The following PECAM1 variants were observed in gnomAD, a reference collection of about 807,000 sequenced individuals.
PECAM1 encodes the protein platelet and endothelial cell adhesion molecule 1, also known as platelet endothelial cell adhesion molecule.
A neutral mutation model predicts 13.8 loss-of-function variants in PECAM1; 8 were observed. The ratio of observed to expected loss-of-function variants is 0.58; its 90% CI spans 0.34 to 1.05. PECAM1 has a LOEUF of 1.05. Among genes scored for constraint, PECAM1 ranks in the 50% least tolerant of loss-of-function variants. PECAM1 has a pLI of 0.03. For synonymous variants in PECAM1, 136 were observed against 52.6 expected (o/e 2.58, Z -6.86); for missense variants, 304 against 141.2 (o/e 2.15, Z -5.84).
chr17:64,359,319 G>A (rs1487271749), intron 7 of PECAM1, among the ~76,000 whole-genome samples: 2 of 152,164 alleles, frequency 1.3e-5, no homozygotes, highest in African/African-American at 4.8e-5. Context: ...TGAGAGGCAT[G>A]AGATAGAGGC....
chr17:64,334,086 G>C (rs1315090346), intron 14 of PECAM1, among the ~76,000 whole-genome samples: 1 of 149,288 alleles, frequency 6.7e-6, no homozygotes, highest in African/African-American at 2.5e-5. Flanking sequence ...ACGTGGGGAG[G>C]CAGCTGAGTG....
rs2036336023 is a variant in PECAM1 at position 64,375,481 on chromosome 17, C to CT, written c.386-126dup. 1.3e-5 allele frequency: 5 copies of CT among 397,460 alleles called. No individual in the cohort carries two copies. In the South Asian group the frequency reaches 6.9e-4, roughly 55 times the overall value. The allele number at this position is 397,460 out of a possible 1,614,324, so 24.6% of individuals were successfully genotyped here. A position where few individuals can be genotyped will look rare whatever the true frequency, so the allele number is the denominator to read the frequency against. ...ACTGTAGTTGACCCATGAGAGGGCT[C>CT]TTTTTTGTTCTCTGAACACCCAGTG... On this transcript the variant is annotated intron_variant, in intron 3 of 15. Coordinates refer to ENST00000563924, the MANE Select transcript of PECAM1 (RefSeq NM_000442.5).
chr17:64,389,774 G>A (rs7208509), intron 2 of PECAM1, among the ~76,000 whole-genome samples: 64,164 of 152,054 alleles, frequency 0.42, 16,194 homozygotes, highest in Middle Eastern at 0.62. Flanking sequence ...GAGGCCGGGC[G>A]CGGTGGCTCA....
Position 64,323,478 on chromosome 17 carries a change from G to C in PECAM1, c.*338C>G. ...TCTGTGTATGAGGGTGCATGGAAAA[G>C]GTCTTTATCTCTGCACAAAACAAAA... On this transcript the variant is annotated 3_prime_UTR_variant, in exon 16 of 16. Transcript: ENST00000563924. 1 of 1,252,892 alleles carries C rather than the reference G, an allele frequency of 8.0e-7. No individual in the cohort carries two copies. Among genetic ancestry groups the C allele is most frequent in the African/African-American group, 1.5e-5 (1 of 65,682 alleles). The allele number at this position is 1,252,892 out of a possible 1,614,324, so 77.6% of individuals were successfully genotyped here. A position where few individuals can be genotyped will look rare whatever the true frequency, so the allele number is the denominator to read the frequency against.
At chr17:64,332,626 G>GC (rs530619887) in intron 14 of PECAM1, among the ~76,000 whole-genome samples, 116 of 152,324 alleles carry the variant, frequency 7.6e-4, no homozygotes, top group Non-Finnish European at 1.5e-3. Context: ...GGCCTCACTG[G>GC]CTCTGGGCCT....
At chr17:64,384,850 C>T (rs2036559391) in intron 2 of PECAM1, among the ~76,000 whole-genome samples, 2 of 152,196 alleles carry the variant, frequency 1.3e-5, no homozygotes, top group African/African-American at 4.8e-5. Flanking sequence ...AACAAATATA[C>T]CACGCAACCA....
chr17:64,354,938 G>A lies in PECAM1; in HGVS notation c.1883C>T (p.Ala628Val). The change falls in exon 9 of 16, where the codon GCC (alanine) becomes GTC (valine). Residue 628 changes from alanine (A) to valine (V), a missense_variant. By Grantham distance (64) the Ala-to-Val change is moderately conservative. Coordinates refer to ENST00000563924, the MANE Select transcript of PECAM1 (RefSeq NM_000442.5). ...IAAKCYFLRK[A>V]KAKQMPVEMS... is the part of the protein sequence containing the mutation. The stretch of plus-strand genomic sequence containing the variant: ...AAGGAAAGAACTATGCTCACCCTTG[G>A]CTTTCCTCAGAAAATAACATTTGGC... The A allele has an allele frequency of 2.1e-6, 1 of 475,320 alleles. No individual in the cohort carries two copies. Among genetic ancestry groups the A allele is most frequent in the Non-Finnish European group, 3.9e-6 (1 of 259,046 alleles). 29.4% of individuals were successfully genotyped at this position (475,320 alleles called of 1,614,324 possible).
At chr17:64,348,030 C>T (rs2035624837) in intron 13 of PECAM1, among the ~76,000 whole-genome samples, 1 of 152,046 alleles carries the variant, frequency 6.6e-6, no homozygotes, top group African/African-American at 2.4e-5. Flanking sequence ...AGTGCCTGGC[C>T]TTTTCTTTTT....
chr17:64,326,828 C>T (rs1251689315), intron 15 of PECAM1, among the ~76,000 whole-genome samples: 2 of 152,194 alleles, frequency 1.3e-5, no homozygotes, highest in Non-Finnish European at 2.9e-5. Flanking sequence ...GTTGTGAAAT[C>T]GCCCTGCCTT....
intron 12 of PECAM1, among the ~76,000 whole-genome samples, chr17:64,349,079 CTG>C (rs1468128195): frequency 1.3e-5 from 2 of 152,272 alleles, no homozygotes; most frequent in Non-Finnish European, 2.9e-5. Flanking sequence ...ACCTCCAAGA[CTG>C]AGAGGATTTC....
intron 4 of PECAM1, 167 bp from the exon 5 acceptor site, chr17:64,370,192 T>G (rs1259767695): frequency 2.5e-6 from 1 of 392,806 alleles, no homozygotes; most frequent in Non-Finnish European, 4.5e-6. Context: ...GCTCTCATAC[T>G]CCCTCCCTTC....
intron 13 of PECAM1, among the ~76,000 whole-genome samples, chr17:64,347,666 C>T (rs1427864465): frequency 4.0e-5 from 2 of 50,020 alleles, no homozygotes; most frequent in Non-Finnish European, 1.1e-4. Flanking sequence ...ATATTATACA[C>T]AAAGAAAACA....
At chr17:64,359,170 C>G (rs1351542120) in intron 7 of PECAM1, among the ~76,000 whole-genome samples, 1 of 152,140 alleles carries the variant, frequency 6.6e-6, no homozygotes, top group Non-Finnish European at 1.5e-5. Flanking sequence ...TCCCTCTCTC[C>G]TATTCACATC....
At chr17:64,373,962 G>C (rs2036299546) in intron 4 of PECAM1, among the ~76,000 whole-genome samples, 1 of 152,116 alleles carries the variant, frequency 6.6e-6, no homozygotes, top group Non-Finnish European at 1.5e-5. Context: ...TCCCTCTGCT[G>C]TTGCCTCCTT....
chr17:64,380,284 C>A (rs1385155146), intron 2 of PECAM1, among the ~76,000 whole-genome samples: 2 of 150,854 alleles, frequency 1.3e-5, no homozygotes, highest in Non-Finnish European at 3.0e-5. Context: ...GCTGAGATCG[C>A]GCCATTGCAC....
intron 14 of PECAM1, among the ~76,000 whole-genome samples, chr17:64,335,076 G>A (rs1019164205): frequency 3.9e-5 from 6 of 152,086 alleles, no homozygotes; most frequent in African/African-American, 9.6e-5. Flanking sequence ...GCACGTTTTC[G>A]GCACCGCTCC....
At chr17:64,371,927 G>A (rs1421321921) in intron 4 of PECAM1, among the ~76,000 whole-genome samples, 1 of 152,124 alleles carries the variant, frequency 6.6e-6, no homozygotes, top group Middle Eastern at 3.2e-3. Context: ...TTTCTTTGTG[G>A]CACTGGAGTT....
At chr17:64,337,866 C>T (rs2035322886) in intron 14 of PECAM1, among the ~76,000 whole-genome samples, 2 of 151,598 alleles carry the variant, frequency 1.3e-5, no homozygotes, top group Admixed American at 1.3e-4. Context: ...AGAAGGAAGT[C>T]TTCCCAGAGC....
At chr17:64,381,253 T>C (rs976783379) in intron 2 of PECAM1, among the ~76,000 whole-genome samples, 3 of 152,236 alleles carry the variant, frequency 2.0e-5, no homozygotes, top group African/African-American at 7.2e-5. Flanking sequence ...AATGTTCTAA[T>C]GGACCTTGTT....
Sources: gnomAD v4.1 joint callset for allele counts (sites outside exome capture counted in the v4.1 genomes callset) on GRCh38, gnomAD v4.1.1 for gene constraint, MANE v1.5 for transcripts, NCBI Gene and HGNC (gene_info 2026-07-23, HGNC 2026-07-21) for gene names.